ATG5: variants seen among roughly 807,000 people sequenced by gnomAD.
ATG5 encodes autophagy related 5.
A neutral mutation model predicts 36.5 loss-of-function variants in ATG5; 14 were observed. The ratio of observed to expected loss-of-function variants is 0.38; its 90% confidence interval spans 0.25 to 0.60. ATG5 has a LOEUF of 0.60. Ranked by LOEUF, ATG5 falls within the 20% of genes least tolerant of loss-of-function variation. The pLI, the probability that ATG5 is intolerant of heterozygous loss-of-function variation, is 0.60. For synonymous variants in ATG5, 95 were observed against 101.5 expected (o/e 0.94, Z 0.38); for missense variants, 195 against 326.7 (o/e 0.60, Z 3.11).
At chr6:106,200,949 A>G (rs1776405292) in intron 7 of ATG5, among the ~76,000 whole-genome samples, 3 of 152,206 alleles carry the variant, frequency 2.0e-5, no homozygotes, top group Non-Finnish European at 4.4e-5. Context: ...ATCCCTGAGG[A>G]TACCAAAATC....
intron 6 of ATG5, among the ~76,000 whole-genome samples, chr6:106,244,170 T>C (rs979891183): frequency 6.6e-6 from 1 of 152,090 alleles, no homozygotes; most frequent in Non-Finnish European, 1.5e-5. Context: ...CAAGCATTGT[T>C]TTATCAGCTT....
At chr6:106,221,559 G>A (rs1769964) in intron 6 of ATG5, among the ~76,000 whole-genome samples, 12,946 of 151,684 alleles carry the variant, frequency 0.085, 573 homozygotes, top group South Asian at 0.13. Flanking sequence ...GGTGGTGTGC[G>A]CCTGTAGTCC....
At chr6:106,284,357 T>C (rs1267605425) in intron 4 of ATG5, among the ~76,000 whole-genome samples, 2 of 151,786 alleles carry the variant, frequency 1.3e-5, no homozygotes, top group African/African-American at 4.9e-5. Flanking sequence ...TTTTCTGTAT[T>C]TTGTTGTTTT....
chr6:106,190,498 A>G (rs1191444798), intron 7 of ATG5, among the ~76,000 whole-genome samples: 1 of 152,192 alleles, frequency 6.6e-6, no homozygotes, highest in East Asian at 1.9e-4. Flanking sequence ...GGATGCACAT[A>G]TTGCATTTAA....
intron 5 of ATG5, among the ~76,000 whole-genome samples, chr6:106,266,196 CCAT>C (rs1009910118): frequency 1.3e-5 from 2 of 152,140 alleles, no homozygotes; most frequent in African/African-American, 4.8e-5. Flanking sequence ...ATACAAACCA[CCAT>C]CAGAGAATAT....
chr6:106,192,631 C>T (rs1776008963), intron 7 of ATG5, among the ~76,000 whole-genome samples: 1 of 152,098 alleles, frequency 6.6e-6, no homozygotes, highest in Admixed American at 6.6e-5. Context: ...GAGTAGAAGT[C>T]TAAGATCAAA....
chr6:106,249,403 A>C (rs1312126122), intron 5 of ATG5, among the ~76,000 whole-genome samples: 5 of 152,136 alleles, frequency 3.3e-5, no homozygotes, highest in Non-Finnish European at 5.9e-5. Flanking sequence ...TTTGGTGTCC[A>C]TTCATGTTGT....
rs936803046 is a variant in ATG5, at chr6:106,280,699, G to A, written c.316-876C>T. 7.9e-5 allele frequency among the ~76,000 whole-genome samples: 12 copies of A among 151,818 alleles called. 1 individual carries two copies. Among genetic ancestry groups the A allele is most frequent in the Non-Finnish European group, 1.6e-4 (11 of 67,904 alleles). On this transcript the variant is annotated intron_variant, in intron 4 of 7. Transcript: ENST00000369076. ...GACACCGTATTAAAACTTTTTATAT[G>A]GATTATCTTATTTAATCCTAACAAC...
At chr6:106,213,864 A>G (rs1363167910) in intron 6 of ATG5, among the ~76,000 whole-genome samples, 1 of 152,232 alleles carries the variant, frequency 6.6e-6, no homozygotes, top group Non-Finnish European at 1.5e-5. Flanking sequence ...GTGCTTAACA[A>G]TGACTAGTTC....
intron 6 of ATG5, among the ~76,000 whole-genome samples, chr6:106,217,069 T>C (rs1476225489): frequency 6.6e-6 from 1 of 152,164 alleles, no homozygotes; most frequent in Non-Finnish European, 1.5e-5. Flanking sequence ...ATGTTTGTTT[T>C]ATGCATTTTG....
intron 7 of ATG5, among the ~76,000 whole-genome samples, chr6:106,199,766 T>C (rs1003471173): frequency 3.3e-5 from 5 of 152,200 alleles, no homozygotes; most frequent in Admixed American, 2.0e-4. Flanking sequence ...TTAATGTTAA[T>C]TGCTCCAAGA....
chr6:106,246,390 TCTCACACACACACA>T (rs1562234514), intron 6 of ATG5, among the ~76,000 whole-genome samples: 6 of 113,524 alleles, frequency 5.3e-5, no homozygotes, highest in African/African-American at 1.1e-4. Context: ...TCTCTCTCTC[TCTCACACACACACA>T]CACACACACA....
At chr6:106,316,022 G>C in intron 2 of ATG5, 79 bp downstream of exon 2, 1 of 1,117,348 alleles carries the variant, frequency 8.9e-7, no homozygotes, top group Admixed American at 2.1e-5. Context: ...GTTACATAAT[G>C]GCCTCCAAGT....
At chr6:106,255,923 A>G (rs763958477) in intron 5 of ATG5, among the ~76,000 whole-genome samples, 2 of 152,144 alleles carry the variant, frequency 1.3e-5, no homozygotes, top group Non-Finnish European at 2.9e-5. Context: ...CTCCTGTTCT[A>G]TTACTTTTTA....
At chr6:106,304,410 C>A (rs1035582357) in intron 3 of ATG5, 13 of 152,092 alleles carry the variant, frequency 8.5e-5, no homozygotes, top group African/African-American at 3.1e-4. Context: ...TCAATATAGT[C>A]CCAGAATGGA....
At chr6:106,224,912 C>T (rs533491557) in intron 6 of ATG5, among the ~76,000 whole-genome samples, 2 of 152,140 alleles carry the variant, frequency 1.3e-5, no homozygotes, top group African/African-American at 4.8e-5. Context: ...CAAAACAAAA[C>T]ACAGAAATAC....
intron 5 of ATG5, among the ~76,000 whole-genome samples, chr6:106,274,126 G>A (rs1006457137): frequency 3.9e-5 from 6 of 152,050 alleles, no homozygotes; most frequent in African/African-American, 7.2e-5. Context: ...TGTATACTCC[G>A]AAAAGCAAGA....
intron 5 of ATG5, among the ~76,000 whole-genome samples, chr6:106,254,775 A>T (rs1562239505): frequency 6.6e-6 from 1 of 152,240 alleles, no homozygotes; most frequent in Non-Finnish European, 1.5e-5. Context: ...TGTCAGGACC[A>T]GTATGGAAAA....
At chr6:106,275,756 C>A (rs1779618109) in intron 5 of ATG5, among the ~76,000 whole-genome samples, 1 of 152,136 alleles carries the variant, frequency 6.6e-6, no homozygotes, top group Admixed American at 6.5e-5. Context: ...GAATGTGTAA[C>A]ATTTTGAGTC....
Sources: allele counts gnomAD v4.1 joint callset (sites outside exome capture counted in the v4.1 genomes callset), GRCh38; gene constraint gnomAD v4.1.1; transcripts MANE v1.5; gene names NCBI Gene and HGNC (gene_info 2026-07-23, HGNC 2026-07-21).